The following LARP4 variants were observed in gnomAD, a reference collection of about 807,000 sequenced individuals.
The protein encoded by LARP4 is La ribonucleoprotein 4, also known as la-related protein 4.
Under a neutral mutation model 92.9 loss-of-function variants are expected in LARP4, and 29 were observed. That is an observed-to-expected ratio of 0.31 (90% CI 0.23 to 0.43). The LOEUF (loss-of-function observed/expected upper bound fraction) is 0.43, where lower values mean the gene tolerates loss of function less well. Among genes scored for constraint, LARP4 ranks in the 20% least tolerant of loss-of-function variants. The pLI, the probability that LARP4 is intolerant of heterozygous loss-of-function variation, is 1.00. For synonymous variants in LARP4, 279 were observed against 284.1 expected, an observed-to-expected ratio of 0.98 and a Z score of 0.18; for missense variants, 732 against 860.0, an observed-to-expected ratio of 0.85 and a Z score of 1.86.
intron 4 of LARP4, among the ~76,000 whole-genome samples, chr12:50,432,199 G>A (rs1035384392): frequency 6.6e-6 from 1 of 152,148 alleles, no homozygotes; most frequent in African/African-American, 2.4e-5. Flanking sequence ...ATAATTTACT[G>A]CCTTTTTGTA....
intron 1 of LARP4, among the ~76,000 whole-genome samples, chr12:50,411,742 G>A (rs948827323): frequency 2.0e-5 from 3 of 151,920 alleles, no homozygotes; most frequent in African/African-American, 7.3e-5. Flanking sequence ...GTGCAGTGGC[G>A]TGATCTCATC....
At chr12:50,474,257 C>A in intron 15 of LARP4, 90 bp downstream of exon 15, 1 of 1,012,992 alleles carries the variant, frequency 9.9e-7, no homozygotes, top group Non-Finnish European at 1.4e-6. Flanking sequence ...AGAACAGAGT[C>A]ATTTGGAAGT....
At chr12:50,403,801 A>G (rs967001765) in intron 1 of LARP4, among the ~76,000 whole-genome samples, 4 of 152,220 alleles carry the variant, frequency 2.6e-5, no homozygotes, top group Admixed American at 6.5e-5. Flanking sequence ...CAATATAACA[A>G]TAACAACAGT....
intron 3 of LARP4, among the ~76,000 whole-genome samples, chr12:50,430,172 A>G (rs916595550): frequency 1.3e-5 from 2 of 152,100 alleles, no homozygotes; most frequent in Non-Finnish European, 2.9e-5. Flanking sequence ...AGTCTGGGCA[A>G]CATAATGAGA....
At chr12:50,440,684 T>C in intron 7 of LARP4, 135 bp downstream of exon 7, 1 of 578,604 alleles carries the variant, frequency 1.7e-6, no homozygotes, top group Non-Finnish European at 3.1e-6. Context: ...CTTTTGCTTT[T>C]GCTCAATTGG....
At chr12:50,457,796 A>G (rs1593314053) in intron 10 of LARP4, among the ~76,000 whole-genome samples, 1 of 138,918 alleles carries the variant, frequency 7.2e-6, no homozygotes, top group Non-Finnish European at 1.5e-5. Context: ...CCTGGGTGAC[A>G]CAGCCAGACC....
chr12:50,414,770 T>G (rs1946482637), intron 1 of LARP4, among the ~76,000 whole-genome samples: 1 of 152,240 alleles, frequency 6.6e-6, no homozygotes, highest in Non-Finnish European at 1.5e-5. Flanking sequence ...TTTTATAGTA[T>G]TCCACATTAA....
chr12:50,420,518 A>C (rs1451142435), intron 1 of LARP4, among the ~76,000 whole-genome samples: 1 of 152,222 alleles, frequency 6.6e-6, no homozygotes, highest in Non-Finnish European at 1.5e-5. Context: ...GATAAAAAAC[A>C]ATTTCACACT....
At chr12:50,432,186 G>A (rs1949757537) in intron 4 of LARP4, among the ~76,000 whole-genome samples, 1 of 152,160 alleles carries the variant, frequency 6.6e-6, no homozygotes, top group Non-Finnish European at 1.5e-5. Flanking sequence ...TGAATTATCT[G>A]TAATAATTTA....
At chr12:50,439,916 T>G (rs1950957644) in intron 6 of LARP4, among the ~76,000 whole-genome samples, 1 of 152,200 alleles carries the variant, frequency 6.6e-6, no homozygotes, top group African/African-American at 2.4e-5. Flanking sequence ...GAAGATATGT[T>G]TGCACATTAA....
rs148801235 is a variant in LARP4, at chr12:50,400,967, T to G, written c.-44T>G. ...TTGGGGCGCGGGCCTGTGAGCCAGT[T>G]GGAGTTGCGGCGGCGGGAACGATTG... On this transcript the variant is annotated 5_prime_UTR_variant, in exon 1 of 16. Coordinates refer to ENST00000398473, the MANE Select transcript of LARP4 (RefSeq NM_052879.5). 1.5e-4 allele frequency: 236 copies of G among 1,614,022 alleles called. 2 individuals are homozygous for G. The highest frequency in any genetic ancestry group is 9.9e-4 in the Middle Eastern group (6 of 6,060).
intron 1 of LARP4, among the ~76,000 whole-genome samples, chr12:50,416,126 A>G (rs1358129683): frequency 6.6e-6 from 1 of 152,192 alleles, no homozygotes; most frequent in Non-Finnish European, 1.5e-5. Context: ...GCAGTTAGGA[A>G]TGGCAGCAGG....
At chr12:50,447,320 G>T (rs962869825) in intron 8 of LARP4, among the ~76,000 whole-genome samples, 1 of 152,158 alleles carries the variant, frequency 6.6e-6, no homozygotes, top group Non-Finnish European at 1.5e-5. Flanking sequence ...AAAAGGGTCA[G>T]CAAACATTTT....
At chr12:50,467,142 CT>C (rs1265289968) in intron 13 of LARP4, 22 bp downstream of exon 13, 1 of 1,573,426 alleles carries the variant, frequency 6.4e-7, no homozygotes, top group Non-Finnish European at 8.7e-7. Flanking sequence ...GCATCTGAGT[CT>C]TACCTTATGA....
intron 3 of LARP4, 86 bp downstream of exon 3, chr12:50,429,176 C>A: frequency 1.1e-6 from 1 of 881,708 alleles, no homozygotes; most frequent in East Asian, 2.6e-5. Context: ...TTCTGATAAA[C>A]CTATGGCATT....
intron 13 of LARP4, among the ~76,000 whole-genome samples, chr12:50,471,403 G>A (rs868414986): frequency 6.6e-6 from 1 of 152,230 alleles, no homozygotes. Context: ...ATATTCTATT[G>A]TAGGAAGTAA....
Position 50,475,821 on chromosome 12 carries a change from G to A in LARP4, c.2132G>A (p.Arg711His), listed in dbSNP as rs576259847. ...HRAIPQGVTR[R>H]NGKEQYVPPR... is the part of the protein sequence containing the mutation. ...GCTATACCTCAGGGAGTGACTCGAC[G>A]TAATGGCAAAGAGCAATATGTGCCA... Residue 711 changes from arginine to histidine, a missense_variant, in exon 16 of 16, where the codon CGT (arginine) becomes CAT (histidine). Coordinates refer to ENST00000398473, the MANE Select transcript of LARP4 (RefSeq NM_052879.5). The A allele has an allele frequency of 1.1e-5, 17 of 1,614,048 alleles. 1 individual carries two copies. In the South Asian group the frequency reaches 1.3e-4, roughly 13 times the overall value.
chr12:50,427,229 T>C (rs1948932915), intron 1 of LARP4, among the ~76,000 whole-genome samples: 1 of 152,232 alleles, frequency 6.6e-6, no homozygotes, highest in African/African-American at 2.4e-5. Flanking sequence ...TAAAATTTTA[T>C]AATATTCTGG....
chr12:50,412,082 TA>T (rs1946005372), intron 1 of LARP4, among the ~76,000 whole-genome samples: 1 of 152,206 alleles, frequency 6.6e-6, no homozygotes, highest in Non-Finnish European at 1.5e-5. Context: ...TCCTTGTCTG[TA>T]AAATGTGGAT....
Sources: allele counts gnomAD v4.1 joint callset (sites outside exome capture counted in the v4.1 genomes callset), GRCh38; gene constraint gnomAD v4.1.1; transcripts MANE v1.5; gene names NCBI Gene and HGNC (gene_info 2026-07-23, HGNC 2026-07-21).